CSMD2: variants seen among roughly 807,000 people sequenced by gnomAD.
CSMD2 encodes CUB and Sushi multiple domains 2.
CSMD2 carries 130 observed loss-of-function variants against 398.5 expected under a neutral mutation model. That is an observed-to-expected ratio of 0.33 (90% confidence interval 0.28 to 0.38). The LOEUF is 0.38. Among genes scored for constraint, CSMD2 ranks in the 10% least tolerant of loss-of-function variants. The pLI is 1.00. For synonymous variants in CSMD2, 1,828 were observed against 1,908.5 expected (o/e 0.96, Z 1.10); for missense variants, 3,829 against 4,764.9 (o/e 0.80, Z 5.78).
chr1:34,028,084 C>T (rs996519323), intron 3 of CSMD2, among the ~76,000 whole-genome samples: 1 of 152,080 alleles, frequency 6.6e-6, no homozygotes, highest in Non-Finnish European at 1.5e-5. Flanking sequence ...TTTGGGAGGT[C>T]GAGGCAGGCA....
chr1:33,623,726 A>G (rs1366409236), intron 35 of CSMD2, among the ~76,000 whole-genome samples: 1 of 152,240 alleles, frequency 6.6e-6, no homozygotes, highest in Non-Finnish European at 1.5e-5. Context: ...GGGGAAAAGA[A>G]GTTCCAGGAA....
intron 6 of CSMD2, among the ~76,000 whole-genome samples, chr1:33,830,541 T>C (rs1246353856): frequency 1.3e-5 from 2 of 151,914 alleles, no homozygotes; most frequent in Non-Finnish European, 2.9e-5. Context: ...CAAAAGTAGA[T>C]AAAACCACAA....
At chr1:33,592,625 G>T (rs931819809) in intron 44 of CSMD2, 2 of 659,840 alleles carry the variant, frequency 3.0e-6, no homozygotes, top group Middle Eastern at 2.9e-4. Flanking sequence ...GCATCTTTCT[G>T]CAACCTTCCT....
At chr1:33,832,898 T>C (rs1659766315) in intron 6 of CSMD2, among the ~76,000 whole-genome samples, 1 of 152,216 alleles carries the variant, frequency 6.6e-6, no homozygotes, top group South Asian at 2.1e-4. Context: ...CTAGAAAATC[T>C]AGAAGAAATG....
chr1:33,642,826 T>C (rs1643190499), intron 29 of CSMD2, among the ~76,000 whole-genome samples: 1 of 152,196 alleles, frequency 6.6e-6, no homozygotes, highest in African/African-American at 2.4e-5. Flanking sequence ...CTCTGAGTGG[T>C]TTTTTGATAT....
chr1:33,623,360 C>T lies in CSMD2; in HGVS notation c.5722+10G>A. On this transcript the variant is annotated intron_variant, in intron 36 of 70. Coordinates refer to ENST00000373381, the MANE Select transcript of CSMD2 (RefSeq NM_001281956.2). ...CCCTCCAAATTGAAGCCCCTGGAAA[C>T]CCAGCTTACCTGAGAAACTCCCCAG... 1 of 1,610,894 alleles carries T rather than the reference C, an allele frequency of 6.2e-7. No individual in the cohort carries two copies. Among genetic ancestry groups the T allele is most frequent in the East Asian group, 2.2e-5 (1 of 44,870 alleles).
At chr1:33,869,908 T>C (rs1640333365) in intron 5 of CSMD2, among the ~76,000 whole-genome samples, 1 of 152,258 alleles carries the variant, frequency 6.6e-6, no homozygotes, top group Non-Finnish European at 1.5e-5. Context: ...CATCTGCCAA[T>C]TGATTCTGCA....
intron 22 of CSMD2, among the ~76,000 whole-genome samples, chr1:33,706,802 G>A (rs188227734): frequency 3.0e-4 from 45 of 151,296 alleles, no homozygotes; most frequent in Non-Finnish European, 5.5e-4. Flanking sequence ...GTGTGTGTGC[G>A]CGTGCATGTG....
At chr1:33,799,771 G>A (rs997335583) in intron 10 of CSMD2, among the ~76,000 whole-genome samples, 1 of 152,216 alleles carries the variant, frequency 6.6e-6, no homozygotes, top group African/African-American at 2.4e-5. Flanking sequence ...AAAATACAAG[G>A]AGCATGAGAC....
chr1:33,740,656 C>A (rs922794682), intron 14 of CSMD2, among the ~76,000 whole-genome samples: 5 of 152,144 alleles, frequency 3.3e-5, no homozygotes, highest in African/African-American at 4.8e-5. Flanking sequence ...GTCTCCCAAC[C>A]TTTCTTCGTT....
At chr1:33,986,892 G>A (rs1157497462) in intron 3 of CSMD2, among the ~76,000 whole-genome samples, 1 of 152,160 alleles carries the variant, frequency 6.6e-6, no homozygotes, top group Non-Finnish European at 1.5e-5. Context: ...GGCACAGTAG[G>A]TGCAAGCATC....
chr1:34,044,055 G>T (rs1403326063), intron 2 of CSMD2, among the ~76,000 whole-genome samples: 3 of 152,078 alleles, frequency 2.0e-5, no homozygotes, highest in Admixed American at 6.5e-5. Flanking sequence ...TGCTGACTTT[G>T]CTCTGTATCC....
chr1:33,935,788 C>G lies in CSMD2; in HGVS notation c.684G>C (p.Thr228=), dbSNP rs536293556. The G allele has an allele frequency of 6.2e-7, 1 of 1,611,056 alleles. No homozygotes were observed. Among genetic ancestry groups the G allele is most frequent in the Non-Finnish European group, 8.5e-7 (1 of 1,178,494 alleles). ...TCHAGSENSA[T]WDFPLPSCRA... is the part of the protein sequence containing the mutation. ...TGCAGGAAGGCAGGGGGAAGTCCCA[C>G]GTGGCGCTGTTCTCAGAGCCAGCGT... Residue 228 remains threonine, a synonymous_variant, in exon 4 of 71, where the codon ACG becomes ACC. Coordinates refer to ENST00000373381, the MANE Select transcript of CSMD2 (RefSeq NM_001281956.2).
rs576287960 is a variant in CSMD2 at position 33,679,491 on chromosome 1, C to T, written c.4052+13439G>A. Among the ~76,000 whole-genome samples, 170 of 152,266 alleles carry T rather than the reference C, an allele frequency of 1.1e-3. 2 individuals are homozygous for T. The highest frequency in any genetic ancestry group is 3.4e-4 in the Non-Finnish European group (23 of 68,014). On this transcript the variant is annotated intron_variant, in intron 25 of 70. Transcript: ENST00000373381. ...TTGGGATTACAGGCGTGAGCCACTG[C>T]GCCCAGCCTCAAATACTAGTTCTGA...
In CSMD2 at chr1:33,714,634, A is replaced by T. The variant is rs770359367; in HGVS notation, c.3359T>A (p.Leu1120Gln). Residue 1120 changes from leucine to glutamine, a missense_variant, in exon 21 of 71, where the codon CTG becomes CAG. Physicochemically the swap from Leu to Gln is moderately radical, Grantham distance 113. This residue lies in a region of CSMD2 where 2,001 missense variants were observed against 2,567.1 expected (regional missense o/e 0.78). Coordinates refer to ENST00000373381, the MANE Select transcript of CSMD2 (RefSeq NM_001281956.2). Reference sequence around the variant, plus strand: ...GCTCCACAGGCGCCGTCTGCCCCCCAGGCACGTGATGCGGGCGGTGCCCTC... The same window carrying T: ...GCTCCACAGGCGCCGTCTGCCCCCCTGGCACGTGATGCGGGCGGTGCCCTC... ...RLEGTARITC[L>Q]GGRRRLWSSP... The T allele has an allele frequency of 1.2e-6, 2 of 1,613,972 alleles. No individual in the cohort carries two copies. Among genetic ancestry groups the T allele is most frequent in the Admixed American group, 1.7e-5 (1 of 60,028 alleles).
Position 33,698,792 on chromosome 1 carries a change from C to T in CSMD2, c.3886G>A (p.Glu1296Lys), listed in dbSNP as rs1431962994. The change falls in exon 24 of 71, where the codon GAG becomes AAG. Residue 1296 changes from glutamate to lysine, a missense_variant. By Grantham distance (56) the Glu-to-Lys change is moderately conservative (BLOSUM62 1). Coordinates refer to ENST00000373381, the MANE Select transcript of CSMD2 (RefSeq NM_001281956.2). Reference sequence around the variant, plus strand: ...AGAGGCCGGTCCCAGGTCCGGCGCTCTCCACTCAGACACAGCAGCTCCTCA... The same window carrying T: ...AGAGGCCGGTCCCAGGTCCGGCGCTTTCCACTCAGACACAGCAGCTCCTCA... ...GSEELLCLSG[E>K]RRTWDRPLPT... The T allele has an allele frequency of 1.2e-6, 2 of 1,614,036 alleles. No individual in the cohort carries two copies. Among genetic ancestry groups the T allele is most frequent in the East Asian group, 4.5e-5 (2 of 44,882 alleles).
chr1:33,797,291 TC>T (rs1655067921), intron 10 of CSMD2, among the ~76,000 whole-genome samples: 2 of 152,224 alleles, frequency 1.3e-5, no homozygotes, highest in South Asian at 4.1e-4. Context: ...TGTGATGTCA[TC>T]CCTGGAGGCC....
Position 33,546,179 on chromosome 1 carries a change from A to G in CSMD2, c.8958T>C (p.Ala2986=). ...AGCTGTCCCCCAAACGGATGCCATG[A>G]GCCGGGATCCCAGGGTCACCGCAAA... is the stretch of plus-strand genomic sequence containing the variant. ...VGVCGDPGIP[A]HGIRLGDSFD... is the part of the protein sequence containing the mutation. Residue 2986 remains alanine, a synonymous_variant, in exon 57 of 71, where the codon GCT becomes GCC. Transcript: ENST00000373381. The G allele has an allele frequency of 6.2e-7, 1 of 1,614,144 alleles. No homozygotes were observed. The highest frequency in any genetic ancestry group is 8.5e-7 in the Non-Finnish European group (1 of 1,179,990).
rs1199589241 is a variant in CSMD2, at chr1:33,633,598, G to C, written c.5087-63C>G. 2.3e-6 allele frequency: 3 copies of C among 1,282,196 alleles called. No individual in the cohort carries two copies. Among genetic ancestry groups the C allele is most frequent in the Non-Finnish European group, 2.2e-6 (2 of 902,868 alleles). The allele number at this position is 1,282,196 out of a possible 1,614,324, so 79.4% of individuals were successfully genotyped here. On this transcript the variant is annotated intron_variant, in intron 31 of 70. Coordinates refer to ENST00000373381, the MANE Select transcript of CSMD2 (RefSeq NM_001281956.2). This position sits in a 1 kb window ranked among gnomAD's most constrained non-coding sequence, Gnocchi z 5.0. ...GCTGGGGGCAGGAGAGGGGATCTAGGGGTCTAGGGGCCCAAGCCAGGAGGA... is the reference window on the plus strand; with the variant it reads ...GCTGGGGGCAGGAGAGGGGATCTAGCGGTCTAGGGGCCCAAGCCAGGAGGA...
Sources: allele counts gnomAD v4.1 joint callset (sites outside exome capture counted in the v4.1 genomes callset), GRCh38; gene constraint gnomAD v4.1.1; regional missense constraint gnomAD v4.1.1; non-coding constraint Gnocchi (gnomAD v3.1); transcripts MANE v1.5; gene names NCBI Gene and HGNC (gene_info 2026-07-23, HGNC 2026-07-21).